Variants in DISC1 observed in about 807,000 individuals in gnomAD.
DISC1 encodes the protein disrupted in schizophrenia 1 protein.
Under a neutral mutation model 84.5 loss-of-function variants are expected in DISC1, and 57 were observed. That is an observed-to-expected ratio of 0.67 (90% CI 0.55 to 0.84). The LOEUF is 0.84. DISC1 is among the 40% of genes least tolerant of loss of function. The pLI is 0.00. For missense variants in DISC1, 1,000 were observed against 1,057.8 expected, an observed-to-expected ratio of 0.95 and a Z score of 0.76; for synonymous variants, 411 against 415.2, an observed-to-expected ratio of 0.99 and a Z score of 0.12.
rs1670765449 is a variant in DISC1 at position 232,041,058 on chromosome 1, T to G, written c.*4227T>G. 2 of 152,212 alleles carry G rather than the reference T, an allele frequency of 1.3e-5. No homozygotes were observed. Among genetic ancestry groups the G allele is most frequent in the South Asian group, 4.1e-4 (2 of 4,834 alleles). 9.4% of individuals were successfully genotyped at this position (152,212 alleles called of 1,614,324 possible). A position where few individuals can be genotyped will look rare whatever the true frequency, so the allele number is the denominator to read the frequency against. On this transcript the variant is annotated 3_prime_UTR_variant, in exon 13 of 13. Transcript: ENST00000439617. ...CCTCACCTTATCTAATCTTTGAATT[T>G]TGTCATGTAATTTATTGCTTCATTA...
rs570562957 is a variant in DISC1 at position 231,749,034 on chromosome 1, A to C, written c.1118-892A>C. Among the ~76,000 whole-genome samples the C allele has an allele frequency of 5.9e-5, 9 of 152,328 alleles. No individual in the cohort carries two copies. In the South Asian group the frequency reaches 1.9e-3, roughly 32 times the overall value. On this transcript the variant is annotated intron_variant, in intron 3 of 12. Transcript: ENST00000439617. Reference sequence around the variant, plus strand: ...TTCTGTTTATCTTTTCCATGCAATAAGAAGTCCCTCCTGACTCTAGGCAGA... The same window carrying C: ...TTCTGTTTATCTTTTCCATGCAATACGAAGTCCCTCCTGACTCTAGGCAGA...
At chr1:231,656,833 C>T (rs1175526837) in intron 1 of DISC1, among the ~76,000 whole-genome samples, 2 of 152,284 alleles carry the variant, frequency 1.3e-5, no homozygotes, top group East Asian at 3.9e-4. Context: ...TCTATGTGTC[C>T]ATGTATTTTC....
At chr1:231,683,129 A>G (rs1010494874) in intron 1 of DISC1, among the ~76,000 whole-genome samples, 41 of 152,232 alleles carry the variant, frequency 2.7e-4, no homozygotes, top group Non-Finnish European at 5.1e-4. Flanking sequence ...TACTTGTAGT[A>G]GTTTGTAGCT....
intron 10 of DISC1, among the ~76,000 whole-genome samples, chr1:231,987,945 T>G (rs1008244330): frequency 1.3e-5 from 2 of 152,086 alleles, no homozygotes; most frequent in Admixed American, 1.3e-4. Context: ...TCCCAGCACT[T>G]TAGGAGGCTG....
At chr1:231,965,483 C>T (rs1660968614) in intron 10 of DISC1, among the ~76,000 whole-genome samples, 1 of 152,224 alleles carries the variant, frequency 6.6e-6, no homozygotes, top group South Asian at 2.1e-4. Context: ...ATTAAATAAT[C>T]TCCTAACAGC....
intron 9 of DISC1, among the ~76,000 whole-genome samples, chr1:231,912,767 T>TTCTC (rs751761711): frequency 2.8e-5 from 4 of 142,708 alleles, no homozygotes; most frequent in African/African-American, 1.0e-4. Context: ...CTTTCTTTCT[T>TTCTC]TCTTTCTTTC....
chr1:231,928,768 A>T (rs2090491415), intron 9 of DISC1, among the ~76,000 whole-genome samples: 1 of 152,096 alleles, frequency 6.6e-6, no homozygotes, highest in Non-Finnish European at 1.5e-5. Flanking sequence ...CTTTGTTCTC[A>T]TTGGTTTCAA....
At chr1:231,908,611 C>G (rs2088914585) in intron 9 of DISC1, among the ~76,000 whole-genome samples, 1 of 152,128 alleles carries the variant, frequency 6.6e-6, no homozygotes, top group East Asian at 1.9e-4. Context: ...TGTGTTGCCT[C>G]CAGCTTTGTT....
intron 9 of DISC1, among the ~76,000 whole-genome samples, chr1:231,862,075 A>C (rs1046438623): frequency 6.6e-6 from 1 of 152,208 alleles, no homozygotes; most frequent in Non-Finnish European, 1.5e-5. Context: ...ACTGGCTTTC[A>C]CCAGGAGGAT....
intron 12 of DISC1, among the ~76,000 whole-genome samples, chr1:232,027,337 T>A (rs981023280): frequency 1.8e-4 from 27 of 152,240 alleles, no homozygotes; most frequent in African/African-American, 6.3e-4. Flanking sequence ...TCTAACCATA[T>A]ACACATGGTT....
At chr1:231,789,667 G>A (rs1417914007) in intron 6 of DISC1, among the ~76,000 whole-genome samples, 1 of 152,140 alleles carries the variant, frequency 6.6e-6, no homozygotes, top group African/African-American at 2.4e-5. Flanking sequence ...TTGCCTGGCT[G>A]TCTCCTCCTG....
chr1:231,727,819 G>A (rs571863010), intron 3 of DISC1, among the ~76,000 whole-genome samples: 1 of 152,030 alleles, frequency 6.6e-6, no homozygotes, highest in African/African-American at 2.4e-5. Flanking sequence ...GTGGTGGTGG[G>A]TCATGCCTTG....
chr1:231,735,832 A>T (rs2072411946), intron 3 of DISC1, among the ~76,000 whole-genome samples: 1 of 152,128 alleles, frequency 6.6e-6, no homozygotes, highest in Non-Finnish European at 1.5e-5. Flanking sequence ...GATTTTTTTG[A>T]GTCGGGGTCT....
chr1:231,828,179 T>A (rs1316531481), intron 9 of DISC1, among the ~76,000 whole-genome samples: 1 of 152,202 alleles, frequency 6.6e-6, no homozygotes, highest in East Asian at 1.9e-4. Context: ...GATATTTTCC[T>A]TCCCCAAGAA....
chr1:231,678,922 CG>C (rs199670409), intron 1 of DISC1, among the ~76,000 whole-genome samples: 5,060 of 152,242 alleles, frequency 0.033, 268 homozygotes, highest in African/African-American at 0.12. Flanking sequence ...GTGATCCACC[CG>C]CCTCAGCCTC....
At chr1:232,005,671 A>T (rs1667331553) in intron 10 of DISC1, among the ~76,000 whole-genome samples, 1 of 151,968 alleles carries the variant, frequency 6.6e-6, no homozygotes, top group African/African-American at 2.4e-5. Flanking sequence ...CTCATCATTT[A>T]TGGACATGGG....
intron 9 of DISC1, among the ~76,000 whole-genome samples, chr1:231,849,598 G>T (rs891655414): frequency 6.6e-6 from 1 of 152,228 alleles, no homozygotes; most frequent in African/African-American, 2.4e-5. Flanking sequence ...ATGTGTGCGT[G>T]TGTTTCCCTC....
intron 3 of DISC1, chr1:231,722,773 A>T: frequency 6.7e-7 from 1 of 1,484,802 alleles, no homozygotes; most frequent in Non-Finnish European, 8.9e-7. Context: ...TCAGGATAGC[A>T]GCTGTCTGGA....
chr1:231,927,014 C>T (rs1162432109), intron 9 of DISC1, among the ~76,000 whole-genome samples: 1 of 152,212 alleles, frequency 6.6e-6, no homozygotes, highest in African/African-American at 2.4e-5. Context: ...GGTACCGTGG[C>T]TTTCACTGTG....
Sources: allele counts gnomAD v4.1 joint callset (sites outside exome capture counted in the v4.1 genomes callset), GRCh38; gene constraint gnomAD v4.1.1; transcripts MANE v1.5; gene names NCBI Gene and HGNC (gene_info 2026-07-23, HGNC 2026-07-21).